Variants in ANAPC16 observed in about 807,000 individuals in gnomAD.
ANAPC16 encodes the protein anaphase promoting complex subunit 16.
In ANAPC16, 6 loss-of-function variants were observed where a neutral mutation model predicts 13.1. That is an observed-to-expected ratio of 0.46 (90% CI 0.25 to 0.90). ANAPC16 has a LOEUF of 0.90. Among genes scored for constraint, ANAPC16 ranks in the 40% least tolerant of loss-of-function variants. The probability of loss-of-function intolerance (pLI) is 0.18; values close to 1 mark genes in which losing one functional copy is unlikely to be tolerated. For synonymous variants in ANAPC16, 55 were observed against 51.3 expected, an observed-to-expected ratio of 1.07 and a Z score of -0.31; for missense variants, 113 against 131.1, an observed-to-expected ratio of 0.86 and a Z score of 0.67.
intron 3 of ANAPC16, among the ~76,000 whole-genome samples, chr10:72,232,524 A>G (rs1264253106): frequency 6.6e-6 from 1 of 151,332 alleles, no homozygotes; most frequent in African/African-American, 2.4e-5. Flanking sequence ...AGCCTGGGCA[A>G]CAAAGCAAGA....
intron 1 of ANAPC16, among the ~76,000 whole-genome samples, chr10:72,216,560 TTGA>T (rs1170831506): frequency 3.3e-5 from 5 of 150,318 alleles, no homozygotes; most frequent in Admixed American, 2.0e-4. Context: ...GAACGATTTG[TTGA>T]TGATGGAATT....
At chr10:72,229,305 A>T (rs549191642) in intron 2 of ANAPC16, among the ~76,000 whole-genome samples, 159 of 140,432 alleles carry the variant, frequency 1.1e-3, no homozygotes, top group Admixed American at 2.0e-3. Context: ...AGCTCTTTGG[A>T]TACAGTATCT....
At chr10:72,232,186 CAAAA>C (rs1194817055) in intron 3 of ANAPC16, among the ~76,000 whole-genome samples, 9 of 43,920 alleles carry the variant, frequency 2.0e-4, no homozygotes, top group Non-Finnish European at 3.5e-4. Flanking sequence ...AACTCTGTCT[CAAAA>C]AAAAAAAAAA....
At chr10:72,216,994 C>T in intron 1 of ANAPC16, 1 of 455,286 alleles carries the variant, frequency 2.2e-6, no homozygotes, top group Non-Finnish European at 4.4e-6. Flanking sequence ...CAGCGCTTCT[C>T]TATCTCCTGC....
chr10:72,233,289 T>A lies in ANAPC16; in HGVS notation c.*173T>A. On this transcript the variant is annotated 3_prime_UTR_variant, in exon 4 of 4. Transcript: ENST00000299381. ...AGGCAACAAATACTTATATGTGTGA[T>A]CTTTCAGGGAATGTTTTGTTTATTT... 1 of 546,732 alleles carries A rather than the reference T, an allele frequency of 1.8e-6. No individual in the cohort carries two copies. The highest frequency in any genetic ancestry group is 2.9e-5 in the East Asian group (1 of 34,992). 33.9% of individuals were successfully genotyped at this position (546,732 alleles called of 1,614,324 possible).
At chr10:72,216,480 G>C (rs1403673640) in intron 1 of ANAPC16, among the ~76,000 whole-genome samples, 545 of 17,620 alleles carry the variant, frequency 0.031, no homozygotes, top group Admixed American at 0.04. Flanking sequence ...CCCCGTTCCC[G>C]CCCCCCCCCC....
At chr10:72,229,449 T>A (rs912911823) in intron 2 of ANAPC16, among the ~76,000 whole-genome samples, 1 of 151,842 alleles carries the variant, frequency 6.6e-6, no homozygotes, top group Non-Finnish European at 1.5e-5. Context: ...CAACAACCCA[T>A]GATTGATGGG....
chr10:72,218,631 C>A (rs973317038), intron 1 of ANAPC16, among the ~76,000 whole-genome samples: 1 of 152,142 alleles, frequency 6.6e-6, no homozygotes, highest in Non-Finnish European at 1.5e-5. Flanking sequence ...ACAACTACTT[C>A]CTTACTATAG....
At chr10:72,231,610 G>A (rs556490818) in intron 3 of ANAPC16, among the ~76,000 whole-genome samples, 2 of 152,276 alleles carry the variant, frequency 1.3e-5, no homozygotes, top group African/African-American at 4.8e-5. Context: ...GGGCTGGAGT[G>A]CAATGGCATG....
intron 2 of ANAPC16, among the ~76,000 whole-genome samples, chr10:72,227,963 G>A (rs1315754776): frequency 2.0e-5 from 3 of 151,342 alleles, no homozygotes; most frequent in Admixed American, 6.6e-5. Context: ...CCCAGGAGGC[G>A]GAGGTTGCAG....
intron 2 of ANAPC16, among the ~76,000 whole-genome samples, chr10:72,228,844 T>C (rs1860205186): frequency 6.6e-6 from 1 of 152,252 alleles, no homozygotes; most frequent in Non-Finnish European, 1.5e-5. Context: ...AAGGAAAATA[T>C]GCAAATATCA....
chr10:72,218,422 C>A (rs1859754784), intron 1 of ANAPC16, among the ~76,000 whole-genome samples: 1 of 151,800 alleles, frequency 6.6e-6, no homozygotes, highest in Non-Finnish European at 1.5e-5. Flanking sequence ...ACCCATTATG[C>A]TGCTTTACGT....
chr10:72,228,064 G>A (rs77908245), intron 2 of ANAPC16, among the ~76,000 whole-genome samples: 1,774 of 151,972 alleles, frequency 0.012, 14 homozygotes, highest in Middle Eastern at 0.041. Context: ...AATAGAGCAG[G>A]AAGGGTTGCC....
chr10:72,232,894 A>T, intron 3 of ANAPC16, 107 bp from the exon 4 acceptor site: 1 of 898,580 alleles, frequency 1.1e-6, no homozygotes, highest in Non-Finnish European at 1.7e-6. Context: ...GTGATCCACC[A>T]CACCCGGCCT....
intron 2 of ANAPC16, among the ~76,000 whole-genome samples, chr10:72,228,159 C>G (rs1860184840): frequency 6.6e-6 from 1 of 152,152 alleles, no homozygotes; most frequent in Non-Finnish European, 1.5e-5. Context: ...ATGTTACATC[C>G]TTGTGAGTCT....
In ANAPC16 at chr10:72,218,145, C is replaced by CAAAAA. The variant is rs142932037; in HGVS notation, c.-28+2024_-28+2028dup. ...GGGCAACAAGAGTGAAACTCTGTCT[C>CAAAAA]AAAAAAAAAAAAAAAAAAAAATATA... On this transcript the variant is annotated intron_variant, in intron 1 of 3. Transcript: ENST00000299381. Among the ~76,000 whole-genome samples the CAAAAA allele has an allele frequency of 1.7e-3, 58 of 34,876 alleles. 7 individuals are homozygous for CAAAAA. The highest frequency in any genetic ancestry group is 0.013 in the African/African-American group (56 of 4,212). The allele number at this position is 34,876 out of a possible 152,430, so 22.9% of individuals were successfully genotyped here. A position where few individuals can be genotyped will look rare whatever the true frequency, so the allele number is the denominator to read the frequency against.
chr10:72,218,291 A>T (rs903571748), intron 1 of ANAPC16, among the ~76,000 whole-genome samples: 2 of 147,154 alleles, frequency 1.4e-5, no homozygotes, highest in African/African-American at 5.0e-5. Context: ...GGGTATAAAT[A>T]ACTCCCACAT....
intron 1 of ANAPC16, among the ~76,000 whole-genome samples, chr10:72,219,337 T>C (rs1296768844): frequency 6.6e-6 from 1 of 152,120 alleles, no homozygotes; most frequent in East Asian, 1.9e-4. Flanking sequence ...GTCCGGAAGA[T>C]TGGATATTAA....
chr10:72,219,357 C>T (rs1422579169), intron 1 of ANAPC16, among the ~76,000 whole-genome samples: 1 of 152,154 alleles, frequency 6.6e-6, no homozygotes, highest in Non-Finnish European at 1.5e-5. Flanking sequence ...ATCTAACTCC[C>T]AAAGTTGTTG....
Sources: gnomAD v4.1 joint callset for allele counts (sites outside exome capture counted in the v4.1 genomes callset) on GRCh38, gnomAD v4.1.1 for gene constraint, MANE v1.5 for transcripts, NCBI Gene and HGNC (gene_info 2026-07-23, HGNC 2026-07-21) for gene names.